Variants in FOXN3 observed in about 807,000 individuals in gnomAD.
The protein encoded by FOXN3 is forkhead box protein N3.
FOXN3 carries 7 observed loss-of-function variants against 38.4 expected under a neutral mutation model. That is an observed-to-expected ratio of 0.18 (90% CI 0.10 to 0.34). The LOEUF (loss-of-function observed/expected upper bound fraction) is 0.34. Among genes scored for constraint, FOXN3 ranks in the 10% least tolerant of loss-of-function variants. FOXN3 has a pLI of 1.00. For missense variants in FOXN3, 456 were observed against 613.4 expected (o/e 0.74, Z 2.71); for synonymous variants, 230 against 242.2 (o/e 0.95, Z 0.47).
intron 1 of FOXN3, among the ~76,000 whole-genome samples, chr14:89,506,918 T>C (rs538289460): frequency 6.6e-6 from 1 of 152,308 alleles, no homozygotes; most frequent in African/African-American, 2.4e-5. Flanking sequence ...AAACAGATGC[T>C]TGAAGGCAGC....
intron 3 of FOXN3, among the ~76,000 whole-genome samples, chr14:89,331,732 T>C (rs1463516911): frequency 2.0e-5 from 3 of 152,220 alleles, no homozygotes; most frequent in Non-Finnish European, 2.9e-5. Flanking sequence ...AAATATACCA[T>C]ACATAACTGA....
chr14:89,189,622 G>A (rs1887894760), intron 4 of FOXN3, among the ~76,000 whole-genome samples: 1 of 152,176 alleles, frequency 6.6e-6, no homozygotes, highest in Non-Finnish European at 1.5e-5. Flanking sequence ...GAGAAGGAAG[G>A]GACAGATATC....
intron 3 of FOXN3, among the ~76,000 whole-genome samples, chr14:89,287,452 G>C (rs1251280198): frequency 1.3e-5 from 2 of 151,888 alleles, no homozygotes; most frequent in African/African-American, 4.8e-5. Flanking sequence ...CCCAGCCCCA[G>C]TGGTAGTCTT....
intron 1 of FOXN3, among the ~76,000 whole-genome samples, chr14:89,513,617 G>A (rs750777173): frequency 3.3e-5 from 5 of 150,810 alleles, no homozygotes; most frequent in Admixed American, 2.0e-4. Flanking sequence ...TTTTTGAGAC[G>A]GAATTTCACT....
intron 1 of FOXN3, among the ~76,000 whole-genome samples, chr14:89,524,349 T>C (rs67131706): frequency 0.4 from 39,937 of 99,328 alleles, 8,178 homozygotes; most frequent in East Asian, 0.65. Flanking sequence ...CACTCCAGCC[T>C]GGCGACAGCA....
intron 1 of FOXN3, among the ~76,000 whole-genome samples, chr14:89,568,348 C>A (rs1895410429): frequency 6.6e-6 from 1 of 152,166 alleles, no homozygotes; most frequent in Non-Finnish European, 1.5e-5. Context: ...ATGCCACTCT[C>A]ATGCTTGAAA....
At chr14:89,611,633 C>G (rs532857664) in intron 1 of FOXN3, among the ~76,000 whole-genome samples, 2 of 151,924 alleles carry the variant, frequency 1.3e-5, no homozygotes, top group Admixed American at 6.6e-5. Context: ...GGTGAAACCC[C>G]GTCTCTACTA....
At chr14:89,448,198 G>A (rs1259300328) in intron 1 of FOXN3, among the ~76,000 whole-genome samples, 1 of 152,104 alleles carries the variant, frequency 6.6e-6, no homozygotes, top group Non-Finnish European at 1.5e-5. Context: ...AAAAAGTTGG[G>A]TTCTTCCTCA....
intron 4 of FOXN3, among the ~76,000 whole-genome samples, chr14:89,272,299 C>T (rs917659372): frequency 1.3e-4 from 19 of 151,424 alleles, no homozygotes; most frequent in Admixed American, 8.5e-4. Flanking sequence ...GGTGACAGAG[C>T]GAAACTCTGT....
chr14:89,243,399 G>A lies in FOXN3; in HGVS notation c.745+37551C>T, dbSNP rs902866520. On this transcript the variant is annotated intron_variant, in intron 4 of 5. Transcript: ENST00000557258. ...AGAGCTAATTCTTCATTCAGGATGCGCCTGCCCGATGCAAGCAGCACAAAC... is the reference window on the plus strand; with the variant it reads ...AGAGCTAATTCTTCATTCAGGATGCACCTGCCCGATGCAAGCAGCACAAAC... 5.9e-5 allele frequency among the ~76,000 whole-genome samples: 9 copies of A among 152,092 alleles called. No individual in the cohort carries two copies. In the East Asian group the frequency reaches 9.6e-4, roughly 16 times the overall value.
intron 2 of FOXN3, chr14:89,356,391 G>A (rs779278879): frequency 6.0e-5 from 9 of 151,146 alleles, no homozygotes; most frequent in Non-Finnish European, 8.8e-5. Context: ...AGCGAGACTC[G>A]ATCTCAAAAA....
chr14:89,525,264 G>A (rs1484978058), intron 1 of FOXN3, among the ~76,000 whole-genome samples: 1 of 148,810 alleles, frequency 6.7e-6, no homozygotes, highest in African/African-American at 2.4e-5. Flanking sequence ...TTGCAGTAAA[G>A]AAGCTGGCCA....
chr14:89,493,051 T>C (rs1402974165), intron 1 of FOXN3, among the ~76,000 whole-genome samples: 1 of 152,162 alleles, frequency 6.6e-6, no homozygotes, highest in African/African-American at 2.4e-5. Flanking sequence ...CCTGTGCACA[T>C]AAAAAAATAG....
intron 5 of FOXN3, among the ~76,000 whole-genome samples, chr14:89,173,176 A>G (rs1373585718): frequency 6.6e-6 from 1 of 152,248 alleles, no homozygotes; most frequent in African/African-American, 2.4e-5. Context: ...ATAAAATAAT[A>G]TATTCAAAGA....
At chr14:89,557,424 C>T (rs1895148744) in intron 1 of FOXN3, among the ~76,000 whole-genome samples, 1 of 152,112 alleles carries the variant, frequency 6.6e-6, no homozygotes, top group Non-Finnish European at 1.5e-5. Context: ...TGTGCCAGTT[C>T]AGCACGATCC....
chr14:89,254,040 C>CG (rs1178316980), intron 4 of FOXN3, among the ~76,000 whole-genome samples: 2 of 152,162 alleles, frequency 1.3e-5, no homozygotes, highest in Non-Finnish European at 2.9e-5. Flanking sequence ...AGTCTTGGAA[C>CG]GGGCTGCCTG....
chr14:89,611,742 C>G lies in FOXN3; in HGVS notation c.-15+7286G>C, dbSNP rs576718890. On this transcript the variant is annotated intron_variant, in intron 1 of 6. Transcript: ENST00000345097. ...AACGGCGTGAACCTGGGAGGCGGAG[C>G]TTGCAGTGAGCCGAGATCGTGCCAC... 1.9e-4 allele frequency among the ~76,000 whole-genome samples: 28 copies of G among 145,128 alleles called. No individual in the cohort carries two copies. In the South Asian group the frequency reaches 3.2e-3, roughly 17 times the overall value.
intron 1 of FOXN3, among the ~76,000 whole-genome samples, chr14:89,428,906 C>G (rs77799240): frequency 6.6e-6 from 1 of 152,288 alleles, no homozygotes; most frequent in South Asian, 2.1e-4. Flanking sequence ...CAGAGCTCTC[C>G]GGAGGCTGCC....
chr14:89,399,506 T>C (rs1891191817), intron 2 of FOXN3, among the ~76,000 whole-genome samples: 1 of 152,224 alleles, frequency 6.6e-6, no homozygotes, highest in African/African-American at 2.4e-5. Flanking sequence ...TGTTATGTTT[T>C]TGGGACAAGT....
Sources: gnomAD v4.1 joint callset for allele counts (sites outside exome capture counted in the v4.1 genomes callset) on GRCh38, gnomAD v4.1.1 for gene constraint, MANE v1.5 for transcripts, NCBI Gene and HGNC (gene_info 2026-07-23, HGNC 2026-07-21) for gene names.